Variants in MYO10 observed in about 807,000 individuals in gnomAD.
The protein encoded by MYO10 is unconventional myosin-X.
MYO10 carries 133 observed loss-of-function variants against 257.3 expected under a neutral mutation model. The observed-to-expected ratio is 0.52, with a 90% CI of 0.45 to 0.60. The LOEUF is 0.60. Ranked by LOEUF, MYO10 falls within the 20% of genes least tolerant of loss-of-function variation. MYO10 has a pLI of 0.00. For missense variants in MYO10, 2,399 were observed against 2,635.7 expected, an observed-to-expected ratio of 0.91 and a Z score of 1.97; for synonymous variants, 1,104 against 1,028.6, an observed-to-expected ratio of 1.07 and a Z score of -1.40.
intron 3 of MYO10, among the ~76,000 whole-genome samples, chr5:16,795,382 T>C (rs1741907134): frequency 6.6e-6 from 1 of 152,124 alleles, no homozygotes; most frequent in African/African-American, 2.4e-5. Context: ...GGCGGGCAGA[T>C]CACCTGAGGT....
chr5:16,676,226 T>C, intron 33 of MYO10, 72 bp from the exon 34 acceptor site: 5 of 1,563,310 alleles, frequency 3.2e-6, no homozygotes, highest in East Asian at 4.6e-5. Flanking sequence ...TTCAAGACTC[T>C]CAAATATCCA....
At chr5:16,829,556 A>C (rs1212689898) in intron 2 of MYO10, among the ~76,000 whole-genome samples, 1 of 152,184 alleles carries the variant, frequency 6.6e-6, no homozygotes, top group Non-Finnish European at 1.5e-5. Context: ...GATGGTGCAC[A>C]CAACATCATA....
At chr5:16,805,147 A>G (rs1742234056) in intron 3 of MYO10, among the ~76,000 whole-genome samples, 2 of 152,018 alleles carry the variant, frequency 1.3e-5, no homozygotes, top group South Asian at 2.1e-4. Flanking sequence ...TTAAGTGTCA[A>G]GTGAAGCAAA....
intron 2 of MYO10, among the ~76,000 whole-genome samples, chr5:16,859,555 G>A (rs113225233): frequency 0.023 from 3,455 of 152,110 alleles, 126 homozygotes; most frequent in African/African-American, 0.075. Flanking sequence ...AGACCAGCCT[G>A]GGCAACACAG....
chr5:16,816,976 T>C (rs576704433), intron 3 of MYO10, among the ~76,000 whole-genome samples: 49 of 152,104 alleles, frequency 3.2e-4, no homozygotes, highest in South Asian at 4.2e-4. Flanking sequence ...TGTGCCACCA[T>C]GCCCAGCTAG....
At chr5:16,801,350 G>A (rs1742114908) in intron 3 of MYO10, among the ~76,000 whole-genome samples, 1 of 152,088 alleles carries the variant, frequency 6.6e-6, no homozygotes, top group African/African-American at 2.4e-5. Context: ...TGGGATTACA[G>A]GCGCCCACAA....
intron 34 of MYO10, 30 bp downstream of exon 34, chr5:16,676,001 T>C: frequency 6.3e-7 from 1 of 1,591,462 alleles, no homozygotes; most frequent in Non-Finnish European, 8.5e-7. Flanking sequence ...TCATGGTCTC[T>C]GAGGAGTCGG....
At chr5:16,831,552 T>C (rs1280628201) in intron 2 of MYO10, among the ~76,000 whole-genome samples, 1 of 150,952 alleles carries the variant, frequency 6.6e-6, no homozygotes, top group Non-Finnish European at 1.5e-5. Context: ...TAAAAAGGAA[T>C]GAATTAATGG....
chr5:16,804,886 G>C (rs1318314629), intron 3 of MYO10, among the ~76,000 whole-genome samples: 1 of 152,068 alleles, frequency 6.6e-6, no homozygotes, highest in East Asian at 1.9e-4. Context: ...ACTCCAGCCT[G>C]GGTAATACAG....
At chr5:16,860,185 G>A (rs1011975767) in intron 2 of MYO10, among the ~76,000 whole-genome samples, 1 of 152,142 alleles carries the variant, frequency 6.6e-6, no homozygotes, top group African/African-American at 2.4e-5. Flanking sequence ...AAGAAAGGGG[G>A]AGAAAAATGA....
At chr5:16,793,754 A>T (rs1741842463) in intron 4 of MYO10, among the ~76,000 whole-genome samples, 1 of 151,820 alleles carries the variant, frequency 6.6e-6, no homozygotes, top group African/African-American at 2.4e-5. Flanking sequence ...ACACAGAGAA[A>T]CTCCGTCTCT....
chr5:16,679,974 G>A lies in MYO10; in HGVS notation c.4515C>T (p.Pro1505=). ...TGATATCTTGAATCAGCTGCTGGGT[G>A]GGGGTGTCGATCGGGGCCTTGGTGT... ...VTDTKAPIDT[P]TQQLIQDIKE... Residue 1505 remains proline, a synonymous_variant, in exon 33 of 41, where the codon CCC becomes CCT. Coordinates refer to ENST00000513610, the MANE Select transcript of MYO10 (RefSeq NM_012334.3). 4.3e-6 allele frequency: 7 copies of A among 1,613,894 alleles called. No individual in the cohort carries two copies. Among genetic ancestry groups the A allele is most frequent in the Non-Finnish European group, 5.9e-6 (7 of 1,179,832 alleles).
At chr5:16,823,468 A>ATTTTTTTT (rs1173952251) in intron 2 of MYO10, among the ~76,000 whole-genome samples, 121 of 6,440 alleles carry the variant, frequency 0.019, 24 homozygotes, top group African/African-American at 0.02. Context: ...GGGAGTGGGG[A>ATTTTTTTT]TTTTTTTTTT....
intron 28 of MYO10, among the ~76,000 whole-genome samples, chr5:16,687,500 G>T (rs1737304681): frequency 6.6e-6 from 1 of 150,854 alleles, no homozygotes; most frequent in South Asian, 2.1e-4. Flanking sequence ...CTCCTGCTGG[G>T]GGCTTATAAG....
chr5:16,787,767 G>A (rs894901074), intron 4 of MYO10, among the ~76,000 whole-genome samples: 2 of 152,068 alleles, frequency 1.3e-5, no homozygotes, highest in African/African-American at 4.8e-5. Flanking sequence ...AAGCAGGAGA[G>A]TGTCATGATC....
chr5:16,785,256 G>A (rs1044606947), intron 4 of MYO10, among the ~76,000 whole-genome samples: 2 of 152,186 alleles, frequency 1.3e-5, no homozygotes, highest in African/African-American at 4.8e-5. Context: ...TCCCAGTACA[G>A]AGCTTAGCAT....
chr5:16,727,066 T>C (rs1036629983), intron 19 of MYO10, among the ~76,000 whole-genome samples: 10 of 152,204 alleles, frequency 6.6e-5, no homozygotes, highest in Non-Finnish European at 1.0e-4. Flanking sequence ...CACACCAGAT[T>C]TCAAAAACTT....
chr5:16,706,071 T>C (rs1418067813), intron 21 of MYO10, among the ~76,000 whole-genome samples: 2 of 151,904 alleles, frequency 1.3e-5, no homozygotes, highest in African/African-American at 4.8e-5. Context: ...TAATCCCAGA[T>C]ACTTGGGAGG....
At chr5:16,915,682 G>A (rs1252148431) in intron 1 of MYO10, among the ~76,000 whole-genome samples, 4 of 152,310 alleles carry the variant, frequency 2.6e-5, no homozygotes, top group South Asian at 2.1e-4. Flanking sequence ...TTGGCTGGGC[G>A]CAGTGGCTCA....
Sources: gnomAD v4.1 joint callset for allele counts (sites outside exome capture counted in the v4.1 genomes callset) on GRCh38, gnomAD v4.1.1 for gene constraint, MANE v1.5 for transcripts, NCBI Gene and HGNC (gene_info 2026-07-23, HGNC 2026-07-21) for gene names.